The following RAB11FIP4 variants were observed in gnomAD, a reference collection of about 807,000 sequenced individuals.
RAB11FIP4 encodes the protein rab11 family-interacting protein 4.
Under a neutral mutation model 74.3 loss-of-function variants are expected in RAB11FIP4, and 23 were observed. That is an observed-to-expected ratio of 0.31 (90% CI 0.22 to 0.44). The LOEUF is 0.44. RAB11FIP4 is among the 20% of genes least tolerant of loss of function. The pLI, the probability that RAB11FIP4 is intolerant of heterozygous loss-of-function variation, is 1.00. For synonymous variants in RAB11FIP4, 360 were observed against 359.9 expected, an observed-to-expected ratio of 1.00 and a Z score of 0.00; for missense variants, 630 against 863.9, an observed-to-expected ratio of 0.73 and a Z score of 3.39.
chr17:31,521,694 G>A (rs1305634931), intron 5 of RAB11FIP4, among the ~76,000 whole-genome samples: 1 of 152,096 alleles, frequency 6.6e-6, no homozygotes, highest in Non-Finnish European at 1.5e-5. Context: ...TCTGAAATGA[G>A]CTCGCAGTTT....
chr17:31,508,655 A>G (rs1597967533), intron 3 of RAB11FIP4, among the ~76,000 whole-genome samples: 1 of 152,006 alleles, frequency 6.6e-6, no homozygotes, highest in East Asian at 1.9e-4. Flanking sequence ...CCAGGAGACC[A>G]CTCGCTTAGC....
At chr17:31,531,491 C>T in intron 14 of RAB11FIP4, 125 bp from the exon 15 acceptor site, 1 of 693,164 alleles carries the variant, frequency 1.4e-6, no homozygotes, top group South Asian at 1.7e-5. Context: ...TGGGGCCCAC[C>T]TTGCCCAGGA....
intron 3 of RAB11FIP4, among the ~76,000 whole-genome samples, chr17:31,505,092 C>T (rs73988076): frequency 0.049 from 7,473 of 151,942 alleles, 597 homozygotes; most frequent in African/African-American, 0.17. Flanking sequence ...TTAGGCATCG[C>T]GTTGGGAGGC....
intron 3 of RAB11FIP4, among the ~76,000 whole-genome samples, chr17:31,457,235 G>C (rs1044731963): frequency 6.6e-6 from 1 of 152,096 alleles, no homozygotes; most frequent in African/African-American, 2.4e-5. Flanking sequence ...TCTCCTGGGG[G>C]ACGAGGACCA....
intron 3 of RAB11FIP4, among the ~76,000 whole-genome samples, chr17:31,450,018 G>A (rs2071509649): frequency 6.6e-6 from 1 of 152,174 alleles, no homozygotes. Context: ...ACACTCGATA[G>A]TCTCCTAGCT....
rs75360063 is a variant in RAB11FIP4 at position 31,411,684 on chromosome 17, G to A, written c.159+19673G>A. On this transcript the variant is annotated intron_variant, in intron 1 of 14. Transcript: ENST00000621161. Reference sequence around the variant, plus strand: ...TGGATGAGGCCTCTTGCCTCCTGCCGTGCTTGCTGGAAAAGAACTTTGCCT... The same window carrying A: ...TGGATGAGGCCTCTTGCCTCCTGCCATGCTTGCTGGAAAAGAACTTTGCCT... 1.7e-3 allele frequency among the ~76,000 whole-genome samples: 255 copies of A among 152,322 alleles called. 1 individual carries two copies. The highest frequency in any genetic ancestry group is 5.8e-3 in the African/African-American group (241 of 41,582).
chr17:31,498,582 G>A (rs1389466178), intron 3 of RAB11FIP4, among the ~76,000 whole-genome samples: 1 of 152,240 alleles, frequency 6.6e-6, no homozygotes, highest in East Asian at 1.9e-4. Context: ...GCCATTGGCT[G>A]TGGGTAAACA....
intron 3 of RAB11FIP4, among the ~76,000 whole-genome samples, chr17:31,468,828 CA>C (rs35784763): frequency 7.5e-5 from 11 of 146,534 alleles, no homozygotes; most frequent in African/African-American, 1.3e-4. Flanking sequence ...GACTCTGTCT[CA>C]AAAAAAAAAA....
chr17:31,431,939 G>A, intron 2 of RAB11FIP4, 39 bp downstream of exon 2: 2 of 1,458,820 alleles, frequency 1.4e-6, no homozygotes, highest in East Asian at 2.3e-5. Context: ...GCGCTCTCCG[G>A]TCCTGCCCAG....
chr17:31,414,082 C>T (rs2071125183), intron 1 of RAB11FIP4, among the ~76,000 whole-genome samples: 1 of 152,180 alleles, frequency 6.6e-6, no homozygotes, highest in Non-Finnish European at 1.5e-5. Context: ...CCTCTCAGTC[C>T]TAACACATGA....
intron 3 of RAB11FIP4, among the ~76,000 whole-genome samples, chr17:31,451,490 C>T (rs985962850): frequency 2.0e-4 from 31 of 151,586 alleles, no homozygotes; most frequent in African/African-American, 7.0e-4. Context: ...AATTGTAAGT[C>T]CCATCCTCCT....
At chr17:31,437,651 T>TC (rs963931675) in intron 3 of RAB11FIP4, among the ~76,000 whole-genome samples, 2 of 152,160 alleles carry the variant, frequency 1.3e-5, no homozygotes, top group Admixed American at 1.3e-4. Flanking sequence ...CACAGCCCCC[T>TC]CCCCTCAGGG....
At chr17:31,392,095 C>CCG in intron 1 of RAB11FIP4, 84 bp downstream of exon 1, 1 of 1,074,298 alleles carries the variant, frequency 9.3e-7, no homozygotes, top group Non-Finnish European at 1.2e-6. Flanking sequence ...CCGGGTCACC[C>CCG]GCGTGGCCCG....
intron 1 of RAB11FIP4, among the ~76,000 whole-genome samples, chr17:31,394,652 G>C (rs979823815): frequency 1.3e-5 from 2 of 152,068 alleles, no homozygotes; most frequent in African/African-American, 2.4e-5. Context: ...CATTGTATCT[G>C]TCAAGAAAGA....
intron 3 of RAB11FIP4, among the ~76,000 whole-genome samples, chr17:31,490,078 C>A (rs2071979105): frequency 6.6e-6 from 1 of 152,102 alleles, no homozygotes; most frequent in Admixed American, 6.6e-5. Flanking sequence ...TTCTAAGCCA[C>A]CTCCTTTGGG....
At chr17:31,499,402 C>CTGG (rs1174503307) in intron 3 of RAB11FIP4, among the ~76,000 whole-genome samples, 3 of 152,068 alleles carry the variant, frequency 2.0e-5, no homozygotes, top group Non-Finnish European at 4.4e-5. Context: ...TGTCGCCAGG[C>CTGG]TGGAGTACAG....
intron 3 of RAB11FIP4, among the ~76,000 whole-genome samples, chr17:31,478,687 T>C (rs1045674551): frequency 1.2e-4 from 19 of 152,244 alleles, no homozygotes; most frequent in African/African-American, 3.6e-4. Flanking sequence ...GCCAGGGAAA[T>C]GGCAGGATGC....
chr17:31,513,020 G>GA (rs1490551864), intron 3 of RAB11FIP4, among the ~76,000 whole-genome samples: 2 of 152,128 alleles, frequency 1.3e-5, no homozygotes. Flanking sequence ...AGGCTTGGGT[G>GA]GGCGCCTCTG....
At chr17:31,437,382 G>A (rs1409643160) in intron 3 of RAB11FIP4, among the ~76,000 whole-genome samples, 2 of 152,204 alleles carry the variant, frequency 1.3e-5, no homozygotes, top group East Asian at 1.9e-4. Flanking sequence ...AGGTGTCAGA[G>A]TGGGCTGGAC....
Sources: gnomAD v4.1 joint callset for allele counts (sites outside exome capture counted in the v4.1 genomes callset) on GRCh38, gnomAD v4.1.1 for gene constraint, MANE v1.5 for transcripts, NCBI Gene and HGNC (gene_info 2026-07-23, HGNC 2026-07-21) for gene names.